Variants in STEAP1B observed in about 807,000 individuals in gnomAD.
The protein encoded by STEAP1B is STEAP family member 1B, also known as STEAP family protein MGC87042.
In STEAP1B, 13 loss-of-function variants were observed where a neutral mutation model predicts 27.9. That is an observed-to-expected ratio of 0.47 (90% CI 0.30 to 0.74). The LOEUF is 0.74. Ranked by LOEUF, STEAP1B falls within the 30% of genes least tolerant of loss-of-function variation. The probability of loss-of-function intolerance (pLI) is 0.06; values close to 1 mark genes in which losing one functional copy is unlikely to be tolerated. For missense variants in STEAP1B, 250 were observed against 298.7 expected (o/e 0.84, Z 1.20); for synonymous variants, 86 against 107.1 (o/e 0.80, Z 1.22).
chr7:22,471,893 C>CAAAAAAAAAAAAAAAAAAAAAAAAAA, intron 4 of STEAP1B, among the ~76,000 whole-genome samples: 1 of 60,178 alleles, frequency 1.7e-5, no homozygotes. Context: ...AACCTGTCTC[C>CAAAAAAAAAAAAAAAAAAAAAAAAAA]AAAAAAAAAA....
At chr7:22,456,379 C>T (rs1397137831) in intron 4 of STEAP1B, among the ~76,000 whole-genome samples, 1 of 152,180 alleles carries the variant, frequency 6.6e-6, no homozygotes, top group Non-Finnish European at 1.5e-5. Context: ...AACTCTCCTT[C>T]CCTGTCATGG....
chr7:22,435,976 C>T (rs1052275136), intron 4 of STEAP1B, among the ~76,000 whole-genome samples: 3 of 152,174 alleles, frequency 2.0e-5, no homozygotes, highest in Non-Finnish European at 4.4e-5. Flanking sequence ...CTGGTGGACC[C>T]GCCTGGCATG....
chr7:22,493,859 A>G, intron 2 of STEAP1B, 23 bp from the exon 3 acceptor site: 7 of 1,554,958 alleles, frequency 4.5e-6, no homozygotes, highest in Non-Finnish European at 6.1e-6. Context: ...GAAAATTAAC[A>G]TCTTAAAATT....
rs1583629576 is a variant in STEAP1B at position 22,433,392 on chromosome 7, G to A, written c.763-13556C>T. 5.5e-5 allele frequency among the ~76,000 whole-genome samples: 2 copies of A among 36,204 alleles called. 1 individual carries two copies. The highest frequency in any genetic ancestry group is 3.8e-3 in the South Asian group (2 of 528). The allele number at this position is 36,204 out of a possible 152,430, so 23.8% of individuals were successfully genotyped here. A position where few individuals can be genotyped will look rare whatever the true frequency, so the allele number is the denominator to read the frequency against. On this transcript the variant is annotated intron_variant, in intron 4 of 4. Transcript: ENST00000678116. The stretch of plus-strand genomic sequence containing the variant: ...GGCCAAACCAGTTTCAAGGAGAGGA[G>A]ATCTATGTAGGAAAGGGGACCCAAA...
intron 4 of STEAP1B, among the ~76,000 whole-genome samples, chr7:22,434,716 C>G (rs1297859855): frequency 6.6e-6 from 1 of 152,226 alleles, no homozygotes; most frequent in Non-Finnish European, 1.5e-5. Flanking sequence ...TCGAAGAGCA[C>G]ATAGATTTGT....
At chr7:22,474,364 T>C (rs193186094) in intron 4 of STEAP1B, among the ~76,000 whole-genome samples, 1 of 152,304 alleles carries the variant, frequency 6.6e-6, no homozygotes, top group East Asian at 1.9e-4. Flanking sequence ...GATTCTGATA[T>C]TACATATCTG....
In STEAP1B at chr7:22,493,612, T is replaced by C. The variant is rs1162653333; in HGVS notation, c.309A>G (p.Gln103=). The part of the protein sequence containing the change: ...EVIHPLATSH[Q]QYFYKIPILV... ...GGATTGGAATTTTATAAAAATATTG[T>C]TGATGGGAAGTTGCTAAAGGGTGAA... Residue 103 remains glutamine, a synonymous_variant, in exon 3 of 5, where the codon CAA becomes CAG. Coordinates refer to ENST00000678116, the MANE Select transcript of STEAP1B (RefSeq NM_001382447.1). 3 of 1,613,942 alleles carry C rather than the reference T, an allele frequency of 1.9e-6. No homozygotes were observed. The highest frequency in any genetic ancestry group is 2.5e-6 in the Non-Finnish European group (3 of 1,179,846).
chr7:22,447,012 G>T (rs1292276566), intron 4 of STEAP1B, among the ~76,000 whole-genome samples: 1 of 152,208 alleles, frequency 6.6e-6, no homozygotes, highest in Non-Finnish European at 1.5e-5. Context: ...TCTCCAGAGA[G>T]CATCAAAAGA....
At position 22,444,896 on chromosome 7, in the gene STEAP1B, A is replaced by G. The variant is rs940641127; in HGVS notation, c.763-25060T>C. On this transcript the variant is annotated intron_variant, in intron 4 of 4. Coordinates refer to ENST00000678116, the MANE Select transcript of STEAP1B (RefSeq NM_001382447.1). Reference sequence around the variant, plus strand: ...TTCTATTTCGTGAGTTTGGAGACCCACTAAGCCAACAATTGGACACCCCCA... The same window carrying G: ...TTCTATTTCGTGAGTTTGGAGACCCGCTAAGCCAACAATTGGACACCCCCA... 3.9e-5 allele frequency among the ~76,000 whole-genome samples: 6 copies of G among 152,326 alleles called. No homozygotes were observed. The South Asian group carries it at 8.3e-4, about 21-fold the overall frequency.
intron 4 of STEAP1B, among the ~76,000 whole-genome samples, chr7:22,449,511 A>T (rs1463555697): frequency 1.3e-5 from 2 of 152,210 alleles, no homozygotes; most frequent in African/African-American, 4.8e-5. Flanking sequence ...ACTCCATTGT[A>T]TGTAAGTACC....
intron 4 of STEAP1B, among the ~76,000 whole-genome samples, chr7:22,427,239 T>G (rs908204109): frequency 5.3e-5 from 8 of 152,166 alleles, no homozygotes; most frequent in African/African-American, 1.9e-4. Flanking sequence ...GAAAACCGAC[T>G]GCAGGGGAGC....
intron 4 of STEAP1B, among the ~76,000 whole-genome samples, chr7:22,453,032 C>T (rs1205632768): frequency 1.3e-5 from 2 of 152,190 alleles, no homozygotes; most frequent in African/African-American, 2.4e-5. Flanking sequence ...CAATTTCATA[C>T]AGCCCCCAGA....
At chr7:22,460,438 G>C (rs1785659694) in intron 4 of STEAP1B, among the ~76,000 whole-genome samples, 1 of 152,082 alleles carries the variant, frequency 6.6e-6, no homozygotes, top group Admixed American at 6.5e-5. Context: ...CCCTAGTTTA[G>C]GTGAGGTTCA....
chr7:22,460,206 T>A (rs1044868863), intron 4 of STEAP1B, among the ~76,000 whole-genome samples: 1 of 151,202 alleles, frequency 6.6e-6, no homozygotes. Flanking sequence ...GTCCTAGCTA[T>A]GGGGTAGGGT....
In STEAP1B at chr7:22,463,409, C is replaced by G. The variant is rs181006251; in HGVS notation, c.762+29156G>C. ...GGTAATTTACAGATTCAATGCCATC[C>G]CCATCAAGCTACCAATGACTTGCTT... is the stretch of plus-strand genomic sequence containing the variant. On this transcript the variant is annotated intron_variant, in intron 4 of 4. Transcript: ENST00000678116. Among the ~76,000 whole-genome samples the G allele has an allele frequency of 4.3e-4, 66 of 152,186 alleles. 1 individual carries two copies. The East Asian group carries it at 0.013, about 29-fold the overall frequency.
At chr7:22,424,298 A>G (rs768547676) in intron 4 of STEAP1B, among the ~76,000 whole-genome samples, 9 of 152,342 alleles carry the variant, frequency 5.9e-5, no homozygotes, top group Middle Eastern at 3.4e-3. Flanking sequence ...TAAAGACTTC[A>G]TAGAAATCTA....
intron 4 of STEAP1B, among the ~76,000 whole-genome samples, chr7:22,482,649 T>G (rs918188423): frequency 6.6e-6 from 1 of 152,220 alleles, no homozygotes; most frequent in Admixed American, 6.5e-5. Context: ...GGGAGGCAGA[T>G]GCTGTTCATG....
chr7:22,469,671 G>C (rs1785845850), intron 4 of STEAP1B, among the ~76,000 whole-genome samples: 1 of 152,130 alleles, frequency 6.6e-6, no homozygotes, highest in Admixed American at 6.5e-5. Context: ...CAACAGATTT[G>C]TAGCTAGGAG....
intron 4 of STEAP1B, among the ~76,000 whole-genome samples, chr7:22,471,620 C>T (rs1002501371): frequency 6.6e-6 from 1 of 152,104 alleles, no homozygotes; most frequent in Non-Finnish European, 1.5e-5. Flanking sequence ...AAATTGTTTT[C>T]AAGGCCAGGT....
Sources: allele counts gnomAD v4.1 joint callset (sites outside exome capture counted in the v4.1 genomes callset), GRCh38; gene constraint gnomAD v4.1.1; transcripts MANE v1.5; gene names NCBI Gene and HGNC (gene_info 2026-07-23, HGNC 2026-07-21).